Variants in CTNND2 observed in about 807,000 individuals in gnomAD.
The protein encoded by CTNND2 is catenin delta-2.
CTNND2 carries 22 observed loss-of-function variants against 144.4 expected under a neutral mutation model. That is an observed-to-expected ratio of 0.15 (90% confidence interval 0.11 to 0.22). The LOEUF (loss-of-function observed/expected upper bound fraction) is 0.22, where lower values mean the gene tolerates loss of function less well. Among genes scored for constraint, CTNND2 ranks in the 10% least tolerant of loss-of-function variants. CTNND2 has a pLI of 1.00. For synonymous variants in CTNND2, 751 were observed against 695.6 expected (o/e 1.08, Z -1.25); for missense variants, 1,353 against 1,618.8 (o/e 0.84, Z 2.82).
Position 11,384,870 on chromosome 5 carries a change from G to T in CTNND2, c.972C>A (p.Ala324=). 6.2e-7 allele frequency: 1 copy of T among 1,612,220 alleles called. No homozygotes were observed. The highest frequency in any genetic ancestry group is 8.5e-7 in the Non-Finnish European group (1 of 1,179,452). The stretch of plus-strand genomic sequence containing the variant: ...AGGTCACGCGGATCGGGGACAGGCC[G>T]GCCGAGGACACGACGATGTTGATGG... ...SSPINIVVSS[A]GLSPIRVTSP... is the part of the protein sequence containing the mutation. Residue 324 remains alanine (A), a synonymous_variant, in exon 7 of 22, where the codon GCC becomes GCA. Transcript: ENST00000304623. The surrounding 1 kb of genome is among the most constrained non-coding windows in gnomAD (Gnocchi z 5.2).
At chr5:11,763,540 C>A (rs1179045614) in intron 1 of CTNND2, among the ~76,000 whole-genome samples, 1 of 152,198 alleles carries the variant, frequency 6.6e-6, no homozygotes, top group African/African-American at 2.4e-5. Context: ...AGAAGAAACA[C>A]TGACTTAGCT....
chr5:11,187,048 G>A (rs1356660332), intron 11 of CTNND2, among the ~76,000 whole-genome samples: 1 of 152,152 alleles, frequency 6.6e-6, no homozygotes, highest in Admixed American at 6.5e-5. Flanking sequence ...TGGATTCTCA[G>A]GTTAGGCACA....
chr5:11,775,830 C>T (rs1291319181), intron 1 of CTNND2, among the ~76,000 whole-genome samples: 2 of 152,090 alleles, frequency 1.3e-5, no homozygotes, highest in Admixed American at 6.6e-5. Flanking sequence ...CAGATATAAT[C>T]AAGTTAAAAT....
intron 12 of CTNND2, among the ~76,000 whole-genome samples, chr5:11,122,024 T>C (rs1464683881): frequency 6.6e-6 from 1 of 152,210 alleles, no homozygotes; most frequent in Non-Finnish European, 1.5e-5. Context: ...ATACCTAGCA[T>C]TCAGCTGAGT....
chr5:11,702,633 C>T (rs1463284544), intron 2 of CTNND2, among the ~76,000 whole-genome samples: 1 of 152,200 alleles, frequency 6.6e-6, no homozygotes, highest in Non-Finnish European at 1.5e-5. Flanking sequence ...CTCTCCAGCA[C>T]AAGGATTGCT....
In CTNND2 at chr5:11,770,408, AAAGGAAAGAAGGAAGGAAGG is replaced by A. The variant is rs1282738102; in HGVS notation, c.38-38156_38-38137del. Among the ~76,000 whole-genome samples, 813 of 142,140 alleles carry A rather than the reference AAAGGAAAGAAGGAAGGAAGG, an allele frequency of 5.7e-3. 23 individuals carry two copies. Among genetic ancestry groups the A allele is most frequent in the African/African-American group, 0.02 (682 of 34,970 alleles). The allele number at this position is 142,140 out of a possible 152,430, so 93.2% of individuals were successfully genotyped here. On this transcript the variant is annotated intron_variant, in intron 1 of 21. Coordinates refer to ENST00000304623, the MANE Select transcript of CTNND2 (RefSeq NM_001332.4). ...TTACACGTGGTATTAAAACAGAAAA[AAAGGAAAGAAGGAAGGAAGG>A]AAGGAAGGAAGGAAGGAAGGAAGGA...
At chr5:11,624,814 A>G (rs1232709655) in intron 2 of CTNND2, among the ~76,000 whole-genome samples, 1 of 152,060 alleles carries the variant, frequency 6.6e-6, no homozygotes, top group Non-Finnish European at 1.5e-5. Context: ...AATTTTTACC[A>G]AACAACCACA....
At chr5:11,878,569 A>C (rs141695573) in intron 1 of CTNND2, among the ~76,000 whole-genome samples, 35 of 152,332 alleles carry the variant, frequency 2.3e-4, no homozygotes, top group African/African-American at 8.4e-4. Context: ...ACCTGTTCTA[A>C]GGCTTGAACA....
chr5:11,278,515 T>C (rs983168862), intron 9 of CTNND2, among the ~76,000 whole-genome samples: 1 of 151,518 alleles, frequency 6.6e-6, no homozygotes, highest in Non-Finnish European at 1.5e-5. Context: ...AAAAATGACA[T>C]AGGAAAAGGG....
intron 10 of CTNND2, among the ~76,000 whole-genome samples, chr5:11,223,036 C>T (rs925121118): frequency 1.3e-5 from 2 of 152,302 alleles, no homozygotes; most frequent in East Asian, 1.9e-4. Context: ...CAGGCCACTG[C>T]CTATGTCTGT....
intron 3 of CTNND2, among the ~76,000 whole-genome samples, chr5:11,496,194 T>C (rs140526416): frequency 1.3e-5 from 2 of 152,304 alleles, no homozygotes; most frequent in East Asian, 1.9e-4. Flanking sequence ...CATTCATCTA[T>C]TGCTGTTGTA....
chr5:11,591,500 A>G (rs923329973), intron 2 of CTNND2, among the ~76,000 whole-genome samples: 1 of 151,150 alleles, frequency 6.6e-6, no homozygotes, highest in Admixed American at 6.6e-5. Context: ...TTTCTGCACT[A>G]TTTGTCTGCT....
intron 3 of CTNND2, among the ~76,000 whole-genome samples, chr5:11,455,918 C>T (rs1328338082): frequency 6.6e-6 from 1 of 152,116 alleles, no homozygotes; most frequent in Admixed American, 6.5e-5. Context: ...ATTCTGTCAG[C>T]ATAAATCTTC....
chr5:11,166,802 C>T (rs903088478), intron 11 of CTNND2, among the ~76,000 whole-genome samples: 3 of 152,054 alleles, frequency 2.0e-5, no homozygotes, highest in Non-Finnish European at 4.4e-5. Flanking sequence ...AATATGGCCC[C>T]GAGAAGCAAT....
At chr5:11,308,553 C>G (rs1750489207) in intron 9 of CTNND2, among the ~76,000 whole-genome samples, 1 of 152,238 alleles carries the variant, frequency 6.6e-6, no homozygotes, top group Non-Finnish European at 1.5e-5. Context: ...TTCACTTCCC[C>G]TAACGTTCCA....
intron 9 of CTNND2, among the ~76,000 whole-genome samples, chr5:11,322,385 G>A (rs1752124071): frequency 6.6e-6 from 1 of 152,196 alleles, no homozygotes; most frequent in Non-Finnish European, 1.5e-5. Flanking sequence ...GCTTGCCACA[G>A]AGAATCTCTG....
chr5:11,714,922 AAAAG>A (rs1463110895), intron 2 of CTNND2, among the ~76,000 whole-genome samples: 24 of 152,098 alleles, frequency 1.6e-4, no homozygotes, highest in Non-Finnish European at 2.5e-4. Context: ...CAAAAAAAAA[AAAAG>A]AAAGAAAGAA....
intron 9 of CTNND2, among the ~76,000 whole-genome samples, chr5:11,304,388 CCACA>C (rs1282276247): frequency 6.6e-6 from 1 of 151,730 alleles, no homozygotes; most frequent in Non-Finnish European, 1.5e-5. Context: ...CACAGGCACA[CCACA>C]CACACTTACA....
intron 12 of CTNND2, among the ~76,000 whole-genome samples, chr5:11,158,158 T>A (rs768863602): frequency 9.2e-5 from 14 of 152,220 alleles, no homozygotes; most frequent in Non-Finnish European, 1.9e-4. Flanking sequence ...CTGAGACAGT[T>A]CCTTCTGCAG....
Sources: allele counts gnomAD v4.1 joint callset (sites outside exome capture counted in the v4.1 genomes callset), GRCh38; gene constraint gnomAD v4.1.1; non-coding constraint Gnocchi (gnomAD v3.1); transcripts MANE v1.5; gene names NCBI Gene and HGNC (gene_info 2026-07-23, HGNC 2026-07-21).